TSHZ2: variants seen among roughly 807,000 people sequenced by gnomAD.
The protein encoded by TSHZ2 is teashirt zinc finger homeobox 2, also known as teashirt homolog 2.
Under a neutral mutation model 74.4 loss-of-function variants are expected in TSHZ2, and 21 were observed. The ratio of observed to expected loss-of-function variants is 0.28; its 90% CI spans 0.20 to 0.41. The LOEUF (loss-of-function observed/expected upper bound fraction) is 0.41. TSHZ2 is among the 10% of genes least tolerant of loss of function. TSHZ2 has a pLI of 1.00. For missense variants in TSHZ2, 1,244 were observed against 1,293.5 expected (o/e 0.96, Z 0.59); for synonymous variants, 540 against 515.3 (o/e 1.05, Z -0.65).
chr20:53,140,397 A>G (rs561079230), intron 1 of TSHZ2, among the ~76,000 whole-genome samples: 28 of 151,912 alleles, frequency 1.8e-4, no homozygotes, highest in East Asian at 1.6e-3. Context: ...AAAATTAGCC[A>G]GGCGAGGTGG....
At chr20:53,019,373 A>G (rs1224169016) in intron 1 of TSHZ2, among the ~76,000 whole-genome samples, 1 of 152,138 alleles carries the variant, frequency 6.6e-6, no homozygotes, top group Non-Finnish European at 1.5e-5. Flanking sequence ...CTATATGGCA[A>G]TAATTGGGTG....
chr20:53,171,882 G>T (rs1237614880), intron 1 of TSHZ2, among the ~76,000 whole-genome samples: 1 of 151,974 alleles, frequency 6.6e-6, no homozygotes, highest in Non-Finnish European at 1.5e-5. Flanking sequence ...ATAAGAAAAG[G>T]GCTTTCCCCC....
chr20:53,070,420 A>T (rs963164081), intron 1 of TSHZ2, among the ~76,000 whole-genome samples: 7 of 152,150 alleles, frequency 4.6e-5, no homozygotes, highest in African/African-American at 1.7e-4. Flanking sequence ...TTTTCTACTC[A>T]TTTATTTACC....
intron 1 of TSHZ2, among the ~76,000 whole-genome samples, chr20:53,236,839 G>C (rs920454136): frequency 1.3e-5 from 2 of 152,156 alleles, no homozygotes; most frequent in African/African-American, 4.8e-5. Context: ...GTGGGGAAAA[G>C]CCCCTTATAA....
At chr20:53,045,035 G>A (rs934481107) in intron 1 of TSHZ2, among the ~76,000 whole-genome samples, 2 of 152,136 alleles carry the variant, frequency 1.3e-5, no homozygotes, top group African/African-American at 4.8e-5. Flanking sequence ...TATTTGTCAG[G>A]ATGAGATAAG....
In TSHZ2 at chr20:53,472,735, A is replaced by G. The variant is rs954339968; in HGVS notation, c.*9-14409A>G. On this transcript the variant is annotated intron_variant, in intron 2 of 2. Coordinates refer to ENST00000371497, the MANE Select transcript of TSHZ2 (RefSeq NM_173485.6). ...AGAAGACGGTGATTTCTGCATTTCC[A>G]TCTGAGGTACCAGGTTCATCTCACT... 4.6e-5 allele frequency among the ~76,000 whole-genome samples: 7 copies of G among 151,608 alleles called. No individual in the cohort carries two copies. The South Asian group carries it at 1.3e-3, about 27-fold the overall frequency.
In TSHZ2 at chr20:53,433,340, C is replaced by T. The variant is rs182956252; in HGVS notation, c.*9-53804C>T. ...TATGATCATGCCACTGCATTCCAAA[C>T]TTGGGGACAAAGAGAGACCCTGTCT... On this transcript the variant is annotated intron_variant, in intron 2 of 2. Transcript: ENST00000371497. 5.2e-4 allele frequency among the ~76,000 whole-genome samples: 79 copies of T among 152,028 alleles called. 4 individuals carry two copies. The East Asian group carries it at 9.7e-3, about 19-fold the overall frequency.
intron 1 of TSHZ2, among the ~76,000 whole-genome samples, chr20:53,003,066 A>G (rs977216762): frequency 2.6e-5 from 4 of 152,228 alleles, no homozygotes; most frequent in Non-Finnish European, 5.9e-5. Context: ...GGACAAATAC[A>G]TTATCTAATA....
At chr20:53,455,206 C>T (rs568147231) in intron 2 of TSHZ2, 2 of 152,330 alleles carry the variant, frequency 1.3e-5, no homozygotes, top group African/African-American at 2.4e-5. Context: ...GATGCCCACA[C>T]CTGCACCACT....
At chr20:53,102,136 G>A (rs6022278) in intron 1 of TSHZ2, among the ~76,000 whole-genome samples, 5,865 of 152,186 alleles carry the variant, frequency 0.039, 183 homozygotes, top group African/African-American at 0.088. Context: ...CTCTAGAATT[G>A]TATTTTGATG....
intron 1 of TSHZ2, among the ~76,000 whole-genome samples, chr20:53,095,298 G>C (rs1050408953): frequency 6.6e-6 from 1 of 152,142 alleles, no homozygotes; most frequent in Non-Finnish European, 1.5e-5. Flanking sequence ...TAAGTCCACC[G>C]TCACAGAGCT....
At chr20:53,085,309 GA>G (rs1426662934) in intron 1 of TSHZ2, among the ~76,000 whole-genome samples, 2 of 152,086 alleles carry the variant, frequency 1.3e-5, no homozygotes, top group Non-Finnish European at 2.9e-5. Context: ...AGGTCGCAGT[GA>G]GCCAAGATCG....
chr20:53,440,551 AAGTTCCAGGACCAC>A (rs1984271715), intron 2 of TSHZ2, among the ~76,000 whole-genome samples: 2 of 152,138 alleles, frequency 1.3e-5, no homozygotes, highest in African/African-American at 4.8e-5. Context: ...GCATTGTTCT[AAGTTCCAGGACCAC>A]AGCAGTGGGG....
Position 53,196,640 on chromosome 20 carries a change from T to A in TSHZ2, c.41-56859T>A, listed in dbSNP as rs566700325. ...GTTTCATGATGTCTTGTCGGAAGCA[T>A]TTAGAATGGTGAATTACCCCCCTTT... On this transcript the variant is annotated intron_variant, in intron 1 of 2. Coordinates refer to ENST00000371497, the MANE Select transcript of TSHZ2 (RefSeq NM_173485.6). The A allele has an allele frequency of 3.3e-5, 5 of 152,326 alleles. No homozygotes were observed. The South Asian group carries it at 1.0e-3, about 32-fold the overall frequency. 9.4% of individuals were successfully genotyped at this position (152,326 alleles called of 1,614,324 possible). A position where few individuals can be genotyped will look rare whatever the true frequency, so the allele number is the denominator to read the frequency against.
intron 1 of TSHZ2, among the ~76,000 whole-genome samples, chr20:53,165,801 G>T (rs1936968): frequency 0.083 from 12,695 of 152,148 alleles, 1,317 homozygotes; most frequent in African/African-American, 0.25. Flanking sequence ...AACATAATTA[G>T]GTAGTCCTCC....
intron 2 of TSHZ2, among the ~76,000 whole-genome samples, chr20:53,455,649 G>C (rs936113619): frequency 6.6e-6 from 1 of 151,890 alleles, no homozygotes; most frequent in Non-Finnish European, 1.5e-5. Flanking sequence ...TGCCATGCTG[G>C]TGTGCTGCAC....
chr20:53,031,006 A>AT (rs200348761), intron 1 of TSHZ2, among the ~76,000 whole-genome samples: 7 of 152,254 alleles, frequency 4.6e-5, no homozygotes, highest in East Asian at 1.9e-4. Context: ...TGTGGGCTTT[A>AT]TTTTTTTTAA....
chr20:53,112,589 T>C (rs1293432), intron 1 of TSHZ2, among the ~76,000 whole-genome samples: 149,288 of 152,192 alleles, frequency 0.98, 73,234 homozygotes, highest in East Asian at 1. Context: ...AGTGCAGTGG[T>C]ATGATCATGG....
intron 2 of TSHZ2, among the ~76,000 whole-genome samples, chr20:53,469,483 G>T (rs992292146): frequency 5.3e-5 from 8 of 151,882 alleles, no homozygotes; most frequent in Non-Finnish European, 1.0e-4. Context: ...GGTGGAGGTT[G>T]CAGTGAGCCG....
Sources: allele counts gnomAD v4.1 joint callset (sites outside exome capture counted in the v4.1 genomes callset), GRCh38; gene constraint gnomAD v4.1.1; transcripts MANE v1.5; gene names NCBI Gene and HGNC (gene_info 2026-07-23, HGNC 2026-07-21).